The following POM121 variants were observed in gnomAD, a reference collection of about 807,000 sequenced individuals.
POM121 encodes nuclear envelope pore membrane protein POM 121.
POM121 carries 32 observed loss-of-function variants against 81.3 expected under a neutral mutation model. The observed-to-expected ratio is 0.39, with a 90% CI of 0.30 to 0.53. The LOEUF is 0.53. Ranked by LOEUF, POM121 falls within the 20% of genes least tolerant of loss-of-function variation. The pLI, the probability that POM121 is intolerant of heterozygous loss-of-function variation, is 0.66. For synonymous variants in POM121, 514 were observed against 694.2 expected (o/e 0.74, Z 4.08); for missense variants, 1,138 against 1,614.6 (o/e 0.70, Z 5.06).
intron 3 of POM121, among the ~76,000 whole-genome samples, chr7:72,927,790 G>A (rs549595989): frequency 5.7e-4 from 87 of 152,306 alleles, no homozygotes; most frequent in African/African-American, 1.7e-3. Context: ...TAGAAAGAAA[G>A]GAAGTTGAAG....
rs1235708559 is a variant in POM121, at chr7:72,929,958, A to G, written c.1122A>G (p.Arg374=). 1 of 1,608,542 alleles carries G rather than the reference A, an allele frequency of 6.2e-7. No homozygotes were observed. The highest frequency in any genetic ancestry group is 1.3e-5 in the African/African-American group (1 of 74,724). The change falls in exon 5 of 13, where the codon AGA becomes AGG. Residue 374 remains arginine (R), a synonymous_variant. Coordinates refer to ENST00000434423, the MANE Select transcript of POM121 (RefSeq NM_001387691.1). The part of the protein sequence containing the change: ...SFVPKPGSLK[R]GLNSQSSDDH... Reference sequence around the variant, plus strand: ...TTATTAGGCCTGGGTCTCTGAAGAGAGGCCTCAATTCTCAGAGCTCAGATG... The same window carrying G: ...TTATTAGGCCTGGGTCTCTGAAGAGGGGCCTCAATTCTCAGAGCTCAGATG...
At chr7:72,891,312 A>G (rs1410132584) in intron 3 of POM121, among the ~76,000 whole-genome samples, 2 of 152,034 alleles carry the variant, frequency 1.3e-5, no homozygotes, top group East Asian at 1.9e-4. Context: ...ATTCTAACCT[A>G]TACTGGGGAC....
At chr7:72,908,742 G>A (rs543513519) in intron 3 of POM121, among the ~76,000 whole-genome samples, 4 of 152,216 alleles carry the variant, frequency 2.6e-5, no homozygotes, top group Admixed American at 6.5e-5. Flanking sequence ...AGAATTCAGC[G>A]TTATTTCTCC....
intron 7 of POM121, 122 bp from the exon 8 acceptor site, chr7:72,939,725 G>T (rs2129579849): frequency 6.2e-7 from 1 of 1,606,686 alleles, no homozygotes; most frequent in Middle Eastern, 2.3e-4. Context: ...CCAAACCATA[G>T]AAGATTGAAT....
chr7:72,935,794 A>G (rs1405636941), intron 5 of POM121, among the ~76,000 whole-genome samples: 1 of 151,924 alleles, frequency 6.6e-6, no homozygotes, highest in Non-Finnish European at 1.5e-5. Context: ...GGTATATGCT[A>G]TTCTAAATAG....
chr7:72,914,415 T>A (rs1221859407), intron 4 of POM121, among the ~76,000 whole-genome samples: 4 of 152,202 alleles, frequency 2.6e-5, no homozygotes, highest in African/African-American at 9.7e-5. Flanking sequence ...CCACTATGTT[T>A]TGGATTGGTT....
At chr7:72,883,599 C>T (rs1446067485) in intron 1 of POM121, among the ~76,000 whole-genome samples, 4 of 152,002 alleles carry the variant, frequency 2.6e-5, no homozygotes, top group Admixed American at 6.6e-5. Context: ...GTTGGTTATC[C>T]TCAGTTTGGA....
chr7:72,879,648 C>T (rs1586047652), exon 1 of POM121: 1 of 368,250 alleles, frequency 2.7e-6, no homozygotes, highest in Non-Finnish European at 5.3e-6. Context: ...CCGTGTGTGT[C>T]CTCGGCGGCC....
chr7:72,912,527 A>G (rs1317741276), intron 3 of POM121, among the ~76,000 whole-genome samples: 21 of 152,208 alleles, frequency 1.4e-4, no homozygotes, highest in Admixed American at 1.4e-3. Flanking sequence ...CTGTAATCCT[A>G]GCACTTTGGG....
At chr7:72,944,651 G>A (rs1251767573) in intron 11 of POM121, among the ~76,000 whole-genome samples, 2 of 152,180 alleles carry the variant, frequency 1.3e-5, no homozygotes, top group East Asian at 1.9e-4. Flanking sequence ...GAGGGGCAGC[G>A]GGTCAGTGCC....
Position 72,943,358 on chromosome 7 carries a change from C to T in POM121, c.3365C>T (p.Thr1122Ile). The change falls in exon 11 of 13, where the codon ACC (threonine) becomes ATC (isoleucine). Residue 1122 changes from threonine (T) to isoleucine (I), a missense_variant. Thr to Ile is a moderately conservative substitution (Grantham distance 89). Coordinates refer to ENST00000434423, the MANE Select transcript of POM121 (RefSeq NM_001387691.1). The part of the protein sequence containing the change: ...GINVATPGSS[T>I]TTGAFSFGAG... ...AATGTGGCCACCCCAGGCTCCAGCA[C>T]CACCACCGGAGCTTTCAGCTTTGGA... 1.2e-6 allele frequency: 2 copies of T among 1,612,928 alleles called. No individual in the cohort carries two copies. The highest frequency in any genetic ancestry group is 1.7e-6 in the Non-Finnish European group (2 of 1,179,638).
rs1796832513 is a variant in POM121 at position 72,939,327 on chromosome 7, T to C, written c.1368-9T>C. 6.2e-7 allele frequency: 1 copy of C among 1,613,752 alleles called. No individual in the cohort carries two copies. The highest frequency in any genetic ancestry group is 8.5e-7 in the Non-Finnish European group (1 of 1,179,754). On this transcript the variant is annotated splice_polypyrimidine_tract_variant and intron_variant, in intron 6 of 12. Coordinates refer to ENST00000434423, the MANE Select transcript of POM121 (RefSeq NM_001387691.1). Reference sequence around the variant, plus strand: ...TTTCTAGACTAAATTGTTCCTTTTTTCCTGACAGAGAAGAGGAGCTGTGTC... The same window carrying C: ...TTTCTAGACTAAATTGTTCCTTTTTCCCTGACAGAGAAGAGGAGCTGTGTC...
chr7:72,942,137 GCCCTGCCGC>G lies in POM121; in HGVS notation c.2151_2159del (p.Pro719_Ala721del). 6 of 1,608,730 alleles carry G rather than the reference GCCCTGCCGC, an allele frequency of 3.7e-6. No homozygotes were observed. Among genetic ancestry groups the G allele is most frequent in the Non-Finnish European group, 5.1e-6 (6 of 1,179,748 alleles). On this transcript the variant is annotated inframe_deletion, in exon 11 of 13. Transcript: ENST00000434423. ...GGAACACAGAACACCTCACCTTCCA[GCCCTGCCGC>G]CCCTGCTGCATCTTCAGCACCTCCC...
chr7:72,941,440 A>G (rs1554501007), intron 10 of POM121, among the ~76,000 whole-genome samples: 1 of 148,490 alleles, frequency 6.7e-6, no homozygotes, highest in Non-Finnish European at 1.5e-5. Context: ...ATCAGACGGT[A>G]ACCTGGGGTT....
intron 4 of POM121, among the ~76,000 whole-genome samples, chr7:72,914,515 T>TTGTAGAGATAGGGTCTCGC (rs1219021328): frequency 5.3e-5 from 8 of 151,484 alleles, no homozygotes; most frequent in Non-Finnish European, 7.4e-5. Flanking sequence ...TTTTAACTTT[T>TTGTAGAGATAGGGTCTCGC]TGTAGAGATA....
upstream of POM121, among the ~76,000 whole-genome samples, chr7:72,921,596 T>C (rs1337524381): frequency 1.3e-5 from 2 of 152,220 alleles, no homozygotes; most frequent in Non-Finnish European, 2.9e-5. Flanking sequence ...GTCTTTTGCT[T>C]CCTGTTGTCC....
Position 72,946,524 on chromosome 7 carries a change from G to A in POM121, c.*290G>A, listed in dbSNP as rs113522666. 0.5 allele frequency: 575,009 copies of A among 1,159,296 alleles called. 146,532 individuals carry two copies. Among genetic ancestry groups the A allele is most frequent in the South Asian group, 0.58 (20,300 of 34,794 alleles). The allele number at this position is 1,159,296 out of a possible 1,614,324, so 71.8% of individuals were successfully genotyped here. A position where few individuals can be genotyped will look rare whatever the true frequency, so the allele number is the denominator to read the frequency against. On this transcript the variant is annotated 3_prime_UTR_variant, in exon 13 of 13. Coordinates refer to ENST00000434423, the MANE Select transcript of POM121 (RefSeq NM_001387691.1). ...GAAACACCTGTACATAGTGTCCGCT[G>A]CCCTGACTCCCGCTTAGCACACCCT...
chr7:72,913,559 C>T (rs1554494620), intron 3 of POM121, among the ~76,000 whole-genome samples: 1 of 152,256 alleles, frequency 6.6e-6, no homozygotes, highest in African/African-American at 2.4e-5. Flanking sequence ...CCTGGGACAC[C>T]GCTGACTGGA....
At chr7:72,890,679 G>A (rs555511354) in exon 2 of POM121, 37 of 1,601,442 alleles carry the variant, frequency 2.3e-5, no homozygotes, top group Non-Finnish European at 2.7e-5. Context: ...GAGGAGTGGT[G>A]GCAACTGGAC....
Sources: gnomAD v4.1 joint callset for allele counts (sites outside exome capture counted in the v4.1 genomes callset) on GRCh38, gnomAD v4.1.1 for gene constraint, MANE v1.5 for transcripts, NCBI Gene and HGNC (gene_info 2026-07-23, HGNC 2026-07-21) for gene names.